The following ADAMTS19 variants were observed in gnomAD, a reference collection of about 807,000 sequenced individuals.
ADAMTS19 encodes the protein ADAM metallopeptidase with thrombospondin type 1 motif 19, also known as A disintegrin and metalloproteinase with thrombospondin motifs 19.
A neutral mutation model predicts 153.3 loss-of-function variants in ADAMTS19; 93 were observed. The observed-to-expected ratio is 0.61, with a 90% CI of 0.51 to 0.72. The LOEUF (loss-of-function observed/expected upper bound fraction) is 0.72, where lower values mean the gene tolerates loss of function less well. ADAMTS19 is among the 30% of genes least tolerant of loss of function. ADAMTS19 has a pLI of 0.00. For missense variants in ADAMTS19, 1,482 were observed against 1,552.1 expected, an observed-to-expected ratio of 0.95 and a Z score of 0.76; for synonymous variants, 600 against 556.6, an observed-to-expected ratio of 1.08 and a Z score of -1.10.
intron 6 of ADAMTS19, among the ~76,000 whole-genome samples, chr5:129,537,679 A>G (rs1316561726): frequency 6.6e-6 from 1 of 152,022 alleles, no homozygotes; most frequent in African/African-American, 2.4e-5. Flanking sequence ...GGCAAGGACA[A>G]AAAACCAAAC....
chr5:129,520,806 C>T (rs777337130), intron 3 of ADAMTS19, among the ~76,000 whole-genome samples: 1 of 152,084 alleles, frequency 6.6e-6, no homozygotes, highest in Non-Finnish European at 1.5e-5. Context: ...TCTAAATCTG[C>T]ATGGTTTTCT....
intron 2 of ADAMTS19, among the ~76,000 whole-genome samples, chr5:129,478,496 C>T (rs1750298299): frequency 6.6e-6 from 1 of 152,156 alleles, no homozygotes; most frequent in Admixed American, 6.6e-5. Flanking sequence ...ACCACATTCT[C>T]CTTTTAATCA....
In ADAMTS19 at chr5:129,624,152, A is replaced by G. The variant is rs959705327; in HGVS notation, c.1770+1804A>G. Among the ~76,000 whole-genome samples the G allele has an allele frequency of 2.7e-5, 4 of 148,862 alleles. No homozygotes were observed. In the South Asian group the frequency reaches 6.4e-4, roughly 24 times the overall value. ...AAAAAAAAAAAAAAAAAAAAAAAAA[A>G]AGGCTGTACGGACTATGGAGCTTGA... On this transcript the variant is annotated intron_variant, in intron 10 of 22. Transcript: ENST00000274487.
chr5:129,585,051 T>C (rs1231589845), intron 7 of ADAMTS19, among the ~76,000 whole-genome samples: 1 of 152,288 alleles, frequency 6.6e-6, no homozygotes, highest in East Asian at 1.9e-4. Context: ...CAACTCCTGC[T>C]CTGCGGGTTG....
At chr5:129,665,620 C>T (rs200398020) in intron 16 of ADAMTS19, 41 bp downstream of exon 16, 1 of 1,476,126 alleles carries the variant, frequency 6.8e-7, no homozygotes, top group Non-Finnish European at 9.4e-7. Context: ...CAAGTACGAG[C>T]CCAACTCCCT....
At position 129,737,907 on chromosome 5, in the gene ADAMTS19, A is replaced by G. The variant is rs930474099; in HGVS notation, c.*689A>G. On this transcript the variant is annotated 3_prime_UTR_variant, in exon 23 of 23. Coordinates refer to ENST00000274487, the MANE Select transcript of ADAMTS19 (RefSeq NM_133638.6). ...ACTGTAATGATTTACACTGAATCAC[A>G]ATTGCACTGTTGATATAGTGTAGAG... 4 of 152,536 alleles carry G rather than the reference A, an allele frequency of 2.6e-5. No homozygotes were observed. Among genetic ancestry groups the G allele is most frequent in the Non-Finnish European group, 2.9e-5 (2 of 67,998 alleles). The allele number at this position is 152,536 out of a possible 1,614,324, so 9.4% of individuals were successfully genotyped here.
intron 3 of ADAMTS19, among the ~76,000 whole-genome samples, chr5:129,516,865 T>C (rs1751629535): frequency 1.3e-5 from 2 of 151,202 alleles, no homozygotes; most frequent in South Asian, 4.1e-4. Context: ...TTCTAGTTCT[T>C]GTTAGGTTTT....
chr5:129,700,055 A>AAG (rs930420664), intron 19 of ADAMTS19, among the ~76,000 whole-genome samples: 2 of 152,186 alleles, frequency 1.3e-5, no homozygotes, highest in African/African-American at 4.8e-5. Flanking sequence ...GGGTCTCCCT[A>AAG]GAAGATTGCC....
Position 129,648,836 on chromosome 5 carries a change from A to G in ADAMTS19, c.2042A>G (p.Lys681Arg). The part of the protein sequence containing the change: ...SEARDCNGPR[K>R]QYRICENPPC... The stretch of plus-strand genomic sequence containing the variant: ...GCAAGGGATTGTAATGGTCCCAGAA[A>G]ACAATACAGAATATGTGAGAATCCA... The change falls in exon 13 of 23, where the codon AAA becomes AGA. Residue 681 changes from lysine (K) to arginine (R), a missense_variant. Lys to Arg is a conservative substitution (Grantham distance 26, BLOSUM62 2). Transcript: ENST00000274487. The G allele has an allele frequency of 1.2e-6, 2 of 1,614,004 alleles. No individual in the cohort carries two copies. The highest frequency in any genetic ancestry group is 8.5e-7 in the Non-Finnish European group (1 of 1,179,934).
At chr5:129,593,371 C>G (rs189010382) in intron 7 of ADAMTS19, among the ~76,000 whole-genome samples, 69 of 152,212 alleles carry the variant, frequency 4.5e-4, no homozygotes, top group African/African-American at 1.6e-3. Context: ...ATGATTTGAC[C>G]TCAATCTAGA....
At chr5:129,590,777 TA>T (rs1318325448) in intron 7 of ADAMTS19, among the ~76,000 whole-genome samples, 1 of 152,208 alleles carries the variant, frequency 6.6e-6, no homozygotes, top group African/African-American at 2.4e-5. Flanking sequence ...TTTAATCATG[TA>T]AATGGGTTTC....
At chr5:129,490,739 A>G (rs1750737943) in intron 2 of ADAMTS19, among the ~76,000 whole-genome samples, 1 of 152,154 alleles carries the variant, frequency 6.6e-6, no homozygotes. Context: ...CAGATTACTA[A>G]GAGAATTTGC....
intron 20 of ADAMTS19, among the ~76,000 whole-genome samples, chr5:129,702,941 A>AAAAAAAAAATATATAT: frequency 6.8e-5 from 2 of 29,308 alleles, no homozygotes; most frequent in Non-Finnish European, 8.6e-5. Context: ...AAAAAAAAAA[A>AAAAAAAAAATATATAT]ATATATATAT....
intron 21 of ADAMTS19, among the ~76,000 whole-genome samples, chr5:129,711,851 A>C (rs1363610477): frequency 6.6e-6 from 1 of 152,138 alleles, no homozygotes; most frequent in East Asian, 1.9e-4. Context: ...TATTTGGTAA[A>C]TCGCAAAGAG....
chr5:129,586,005 T>C (rs1749773212), intron 7 of ADAMTS19, among the ~76,000 whole-genome samples: 1 of 152,164 alleles, frequency 6.6e-6, no homozygotes, highest in African/African-American at 2.4e-5. Flanking sequence ...GCCTTTAAAT[T>C]TCTTATAGAC....
At chr5:129,586,886 G>A (rs1010286792) in intron 7 of ADAMTS19, among the ~76,000 whole-genome samples, 37 of 151,948 alleles carry the variant, frequency 2.4e-4, no homozygotes, top group African/African-American at 8.2e-4. Context: ...AATTTTTTTC[G>A]AAATACATTT....
chr5:129,520,873 C>T (rs1751776915), intron 3 of ADAMTS19, among the ~76,000 whole-genome samples: 1 of 152,134 alleles, frequency 6.6e-6, no homozygotes, highest in East Asian at 1.9e-4. Context: ...AATGAGAGCT[C>T]ACCTTTTTTC....
At chr5:129,538,552 T>G (rs1312618592) in intron 6 of ADAMTS19, among the ~76,000 whole-genome samples, 1 of 152,084 alleles carries the variant, frequency 6.6e-6, no homozygotes, top group Non-Finnish European at 1.5e-5. Flanking sequence ...TAGCTTTCCC[T>G]AGCTATGCAA....
chr5:129,492,506 AGTGTGT>A (rs148015134), intron 2 of ADAMTS19, among the ~76,000 whole-genome samples: 4 of 146,352 alleles, frequency 2.7e-5, no homozygotes, highest in African/African-American at 5.0e-5. Context: ...ATTAAAGGTC[AGTGTGT>A]GTGTGTGTGT....
Sources: gnomAD v4.1 joint callset for allele counts (sites outside exome capture counted in the v4.1 genomes callset) on GRCh38, gnomAD v4.1.1 for gene constraint, MANE v1.5 for transcripts, NCBI Gene and HGNC (gene_info 2026-07-23, HGNC 2026-07-21) for gene names.